The following CTNNA2 variants were observed in gnomAD, a reference collection of about 807,000 sequenced individuals.
CTNNA2 encodes the protein catenin alpha 2.
A neutral mutation model predicts 101.0 loss-of-function variants in CTNNA2; 42 were observed. That is an observed-to-expected ratio of 0.42 (90% confidence interval 0.32 to 0.54). CTNNA2 has a LOEUF of 0.54. CTNNA2 is among the 20% of genes least tolerant of loss of function. The probability of loss-of-function intolerance (pLI) is 0.14; values close to 1 mark genes in which losing one functional copy is unlikely to be tolerated. For synonymous variants in CTNNA2, 450 were observed against 456.4 expected (o/e 0.99, Z 0.18); for missense variants, 871 against 1,223.1 (o/e 0.71, Z 4.29).
At position 79,354,436 on chromosome 2, in the gene CTNNA2, T is replaced by TGTC. The variant is rs1429762225; in HGVS notation, c.-317-19395_-317-19394insGTC. Among the ~76,000 whole-genome samples the TGTC allele has an allele frequency of 1.9e-4, 29 of 152,322 alleles. No individual in the cohort carries two copies. The East Asian group carries it at 5.4e-3, about 28-fold the overall frequency. ...TGATTCAAAGGACATGTCTTCCAGC[T>TGTC]CTTGGATTCTTTTCTCAGCTTGGTG... On this transcript the variant is annotated intron_variant, in intron 3 of 21. Coordinates refer to the CTNNA2 transcript ENST00000466387.
chr2:79,881,283 T>G (rs1487929678), intron 6 of CTNNA2, among the ~76,000 whole-genome samples: 2 of 152,216 alleles, frequency 1.3e-5, no homozygotes, highest in Non-Finnish European at 2.9e-5. Flanking sequence ...GAATGTATAT[T>G]CTGTTCATTT....
At chr2:80,593,358 T>C (rs1696678612) in intron 15 of CTNNA2, among the ~76,000 whole-genome samples, 1 of 152,086 alleles carries the variant, frequency 6.6e-6, no homozygotes. Context: ...TTTGTTTGTT[T>C]GTTTGTTTTG....
At chr2:80,459,901 T>C (rs938604730) in intron 9 of CTNNA2, among the ~76,000 whole-genome samples, 1 of 152,160 alleles carries the variant, frequency 6.6e-6, no homozygotes, top group East Asian at 1.9e-4. Context: ...ACTGCTGGAC[T>C]GGCAGAGACT....
intron 2 of CTNNA2, among the ~76,000 whole-genome samples, chr2:79,671,075 G>T (rs1406821092): frequency 6.6e-6 from 1 of 152,246 alleles, no homozygotes; most frequent in Non-Finnish European, 1.5e-5. Context: ...CAGGAACAGT[G>T]AATGCACGGC....
At chr2:79,549,220 G>T (rs1433276384) in intron 1 of CTNNA2, among the ~76,000 whole-genome samples, 1 of 152,116 alleles carries the variant, frequency 6.6e-6, no homozygotes, top group African/African-American at 2.4e-5. Context: ...GCCATAGACT[G>T]TTTTTTCAAC....
At chr2:79,696,281 A>G (rs1227729925) in intron 2 of CTNNA2, among the ~76,000 whole-genome samples, 1 of 152,090 alleles carries the variant, frequency 6.6e-6, no homozygotes. Flanking sequence ...TTTTAAGGCA[A>G]GGAATTCAGA....
intron 3 of CTNNA2, among the ~76,000 whole-genome samples, chr2:79,331,913 A>G (rs762290846): frequency 3.3e-5 from 5 of 152,182 alleles, no homozygotes; most frequent in Admixed American, 2.6e-4. Flanking sequence ...ATTGGGATGT[A>G]CTAGTTATGC....
At chr2:79,373,018 T>C (rs1677906944) in intron 3 of CTNNA2, among the ~76,000 whole-genome samples, 1 of 152,120 alleles carries the variant, frequency 6.6e-6, no homozygotes, top group Non-Finnish European at 1.5e-5. Context: ...TAATAAAAGA[T>C]AATAAGGTGA....
chr2:80,591,137 GA>G, intron 15 of CTNNA2, among the ~76,000 whole-genome samples: 1 of 152,256 alleles, frequency 6.6e-6, no homozygotes, highest in Admixed American at 6.5e-5. Context: ...GCACAGTTAT[GA>G]AAGATATATT....
chr2:79,347,093 T>C (rs760042356), intron 3 of CTNNA2, among the ~76,000 whole-genome samples: 1 of 152,144 alleles, frequency 6.6e-6, no homozygotes, highest in Non-Finnish European at 1.5e-5. Context: ...TAACCTAACA[T>C]TTTAAAATAT....
At chr2:80,388,353 G>A (rs1677205968) in intron 7 of CTNNA2, among the ~76,000 whole-genome samples, 1 of 152,120 alleles carries the variant, frequency 6.6e-6, no homozygotes, top group Non-Finnish European at 1.5e-5. Context: ...TTAGGTATTG[G>A]CTAAACACAT....
chr2:79,818,018 G>A lies in CTNNA2; in HGVS notation c.299-39995G>A, dbSNP rs561089930. Among the ~76,000 whole-genome samples the A allele has an allele frequency of 1.7e-3, 266 of 152,190 alleles. 2 individuals are homozygous for A. Among genetic ancestry groups the A allele is most frequent in the South Asian group, 2.9e-3 (14 of 4,824 alleles). Reference sequence around the variant, plus strand: ...TTGGGCTTCAATTTTTAATTTACTCGTTTTAATAAGCCTCATTACTTCCAA... The same window carrying A: ...TTGGGCTTCAATTTTTAATTTACTCATTTTAATAAGCCTCATTACTTCCAA... On this transcript the variant is annotated intron_variant, in intron 3 of 18. Coordinates refer to ENST00000402739, the MANE Select transcript of CTNNA2 (RefSeq NM_001282597.3).
chr2:79,219,618 A>G (rs945728225), intron 2 of CTNNA2, among the ~76,000 whole-genome samples: 4 of 152,188 alleles, frequency 2.6e-5, no homozygotes, highest in African/African-American at 4.8e-5. Flanking sequence ...AATTGAAACC[A>G]AAGTGCATTT....
chr2:80,367,560 C>T (rs984366826), intron 7 of CTNNA2, among the ~76,000 whole-genome samples: 2 of 151,450 alleles, frequency 1.3e-5, no homozygotes, highest in African/African-American at 4.9e-5. Flanking sequence ...CAGCAGCTAC[C>T]CTATGACCAA....
chr2:80,636,203 T>C (rs894812360), intron 18 of CTNNA2, among the ~76,000 whole-genome samples: 1 of 152,136 alleles, frequency 6.6e-6, no homozygotes, highest in African/African-American at 2.4e-5. Flanking sequence ...GATTTTCAAG[T>C]AATCCTAAAG....
intron 2 of CTNNA2, among the ~76,000 whole-genome samples, chr2:79,715,791 A>T (rs1179259503): frequency 6.6e-6 from 1 of 152,140 alleles, no homozygotes; most frequent in African/African-American, 2.4e-5. Context: ...TAACCCACTG[A>T]ATGCCCAGAA....
chr2:79,483,414 G>T (rs1671128691), intron 4 of CTNNA2, among the ~76,000 whole-genome samples: 1 of 152,124 alleles, frequency 6.6e-6, no homozygotes, highest in Admixed American at 6.5e-5. Flanking sequence ...CTCTTCTTTA[G>T]GTTCTCTCAA....
chr2:79,886,052 A>G (rs548993229), intron 6 of CTNNA2, among the ~76,000 whole-genome samples: 2 of 152,330 alleles, frequency 1.3e-5, no homozygotes, highest in African/African-American at 4.8e-5. Flanking sequence ...AAAAGGAGAA[A>G]ATACTTAGTA....
At chr2:79,537,649 G>T (rs188074272) in intron 1 of CTNNA2, among the ~76,000 whole-genome samples, 29 of 152,286 alleles carry the variant, frequency 1.9e-4, no homozygotes, top group Non-Finnish European at 3.7e-4. Flanking sequence ...AGTAGCAAAG[G>T]CTGCTTGCTG....
Sources: allele counts gnomAD v4.1 joint callset (sites outside exome capture counted in the v4.1 genomes callset), GRCh38; gene constraint gnomAD v4.1.1; transcripts MANE v1.5; gene names NCBI Gene and HGNC (gene_info 2026-07-23, HGNC 2026-07-21).